The following RAPGEF6 variants were observed in gnomAD, a reference collection of about 807,000 sequenced individuals.
RAPGEF6 encodes the protein PDZ domain containing guanine nucleotide exchange factor (GEF) 2.
RAPGEF6 carries 56 observed loss-of-function variants against 171.4 expected under a neutral mutation model. The observed-to-expected ratio is 0.33, with a 90% CI of 0.26 to 0.41. The LOEUF (loss-of-function observed/expected upper bound fraction) is 0.41, where lower values mean the gene tolerates loss of function less well. Among genes scored for constraint, RAPGEF6 ranks in the 10% least tolerant of loss-of-function variants. The pLI, the probability that RAPGEF6 is intolerant of heterozygous loss-of-function variation, is 1.00. For synonymous variants in RAPGEF6, 692 were observed against 650.1 expected (o/e 1.06, Z -0.98); for missense variants, 1,674 against 1,921.4 (o/e 0.87, Z 2.41).
intron 22 of RAPGEF6, among the ~76,000 whole-genome samples, chr5:131,444,357 G>C (rs1752560409): frequency 6.6e-6 from 1 of 152,104 alleles, no homozygotes; most frequent in Admixed American, 6.6e-5. Flanking sequence ...TCATTGATTG[G>C]TAAATGCTAA....
intron 6 of RAPGEF6, among the ~76,000 whole-genome samples, chr5:131,547,839 C>T (rs1760652451): frequency 1.3e-5 from 2 of 151,934 alleles, no homozygotes; most frequent in Admixed American, 6.6e-5. Flanking sequence ...TAAACAACAA[C>T]AAAAAAGCAA....
At chr5:131,537,269 T>C (rs368312855) in intron 6 of RAPGEF6, among the ~76,000 whole-genome samples, 2 of 152,338 alleles carry the variant, frequency 1.3e-5, no homozygotes. Context: ...CAAATCTGTC[T>C]GAATTAGTGT....
At chr5:131,552,878 C>A (rs191713818) in intron 5 of RAPGEF6, among the ~76,000 whole-genome samples, 1 of 152,072 alleles carries the variant, frequency 6.6e-6, no homozygotes, top group East Asian at 1.9e-4. Flanking sequence ...ATGTAAGAAG[C>A]AAGACATAAT....
At chr5:131,628,826 C>A (rs956201201) in intron 1 of RAPGEF6, among the ~76,000 whole-genome samples, 1 of 152,132 alleles carries the variant, frequency 6.6e-6, no homozygotes, top group African/African-American at 2.4e-5. Flanking sequence ...AACAACAAAG[C>A]CTAAATGACA....
At position 131,428,925 on chromosome 5, in the gene RAPGEF6, G is replaced by A. The variant is rs763117888; in HGVS notation, c.4757C>T (p.Thr1586Ile). 1.2e-6 allele frequency: 2 copies of A among 1,613,974 alleles called. No homozygotes were observed. The highest frequency in any genetic ancestry group is 2.2e-5 in the South Asian group (2 of 91,070). ...ACCATCTGCTTCGCTATCTGCATCA[G>A]TCACATCTCCTAGTTTAGGATGGAA... is the stretch of plus-strand genomic sequence containing the variant. The part of the protein sequence containing the change: ...QPFHPKLGDV[T>I]DADSEADENE... Residue 1586 changes from threonine (T) to isoleucine (I), a missense_variant, in exon 27 of 28, where the codon ACT becomes ATT. Thr to Ile is a moderately conservative substitution (Grantham distance 89, BLOSUM62 -1). This residue lies in a region of RAPGEF6 where 552 missense variants were observed against 574.2 expected (regional missense o/e 0.96). Transcript: ENST00000509018.
At position 131,429,028 on chromosome 5, in the gene RAPGEF6, C is replaced by A. The variant is rs368211238; in HGVS notation, c.4654G>T (p.Ala1552Ser). The A allele has an allele frequency of 1.9e-6, 3 of 1,614,056 alleles. No homozygotes were observed. The African/African-American group carries it at 4.0e-5, about 22-fold the overall frequency. Residue 1552 changes from alanine to serine, a missense_variant, in exon 27 of 28, where the codon GCT becomes TCT. Physicochemically the swap from Ala to Ser is moderately conservative, Grantham distance 99. This residue lies in a region of RAPGEF6 where 552 missense variants were observed against 574.2 expected (regional missense o/e 0.96). Coordinates refer to ENST00000509018, the MANE Select transcript of RAPGEF6 (RefSeq NM_016340.6). ...GCCACGAGGTTGCTACTGAGAGAAG[C>A]TGGTGGCAGTCTAGAGAGGCTGTTA... ...MHNSLSRLPP[A>S]SLSSNLVACV... is the part of the protein sequence containing the mutation.
chr5:131,430,487 G>A (rs943565105), intron 26 of RAPGEF6, among the ~76,000 whole-genome samples: 42 of 152,058 alleles, frequency 2.8e-4, no homozygotes, highest in African/African-American at 8.5e-4. Flanking sequence ...TTTCTACCAC[G>A]TATGCATACC....
intron 1 of RAPGEF6, among the ~76,000 whole-genome samples, chr5:131,623,477 C>CTTTTT (rs763921579): frequency 1.0e-3 from 117 of 114,126 alleles, no homozygotes; most frequent in Non-Finnish European, 1.5e-3. Context: ...TTTCACATTG[C>CTTTTT]TTTTTTTTTT....
rs767565245 is a variant in RAPGEF6 at position 131,554,938 on chromosome 5, A to T, written c.352-6748T>A. On this transcript the variant is annotated intron_variant, in intron 5 of 27. Coordinates refer to ENST00000509018, the MANE Select transcript of RAPGEF6 (RefSeq NM_016340.6). ...GAACTTAAAATAAAGGAGGGAAAAT[A>T]AAAAAAAGAGGGGAAAAAACAAGAA... is the stretch of plus-strand genomic sequence containing the variant. 9.2e-5 allele frequency among the ~76,000 whole-genome samples: 14 copies of T among 152,144 alleles called. 1 individual carries two copies. Among genetic ancestry groups the T allele is most frequent in the Admixed American group, 5.9e-4 (9 of 15,276 alleles).
intron 4 of RAPGEF6, among the ~76,000 whole-genome samples, chr5:131,572,529 G>T (rs998175858): frequency 1.3e-5 from 2 of 152,114 alleles, no homozygotes; most frequent in African/African-American, 4.8e-5. Flanking sequence ...CGCCTGCCTT[G>T]ATCATTCACC....
At position 131,566,138 on chromosome 5, in the gene RAPGEF6, C is replaced by G. The variant is rs187810125; in HGVS notation, c.282-4091G>C. On this transcript the variant is annotated intron_variant, in intron 4 of 27. Coordinates refer to ENST00000509018, the MANE Select transcript of RAPGEF6 (RefSeq NM_016340.6). ...CTCCAGCCTGGGTGACAGAATGAGA[C>G]TCTGTCTCAATAAAGAAAGAAAAAA... is the stretch of plus-strand genomic sequence containing the variant. 2.9e-3 allele frequency among the ~76,000 whole-genome samples: 437 copies of G among 150,100 alleles called. 1 individual carries two copies. The highest frequency in any genetic ancestry group is 9.8e-3 in the African/African-American group (398 of 40,686).
At chr5:131,526,590 T>G (rs937686847) in intron 6 of RAPGEF6, among the ~76,000 whole-genome samples, 1 of 152,196 alleles carries the variant, frequency 6.6e-6, no homozygotes, top group Admixed American at 6.5e-5. Flanking sequence ...GGAAAGGCTT[T>G]TCCTCCAAGA....
intron 6 of RAPGEF6, among the ~76,000 whole-genome samples, chr5:131,537,023 C>T (rs1397656741): frequency 2.0e-5 from 3 of 152,108 alleles, no homozygotes; most frequent in African/African-American, 7.2e-5. Flanking sequence ...ACTTAATAAA[C>T]ACATACCAAA....
intron 13 of RAPGEF6, among the ~76,000 whole-genome samples, chr5:131,495,302 A>C (rs530041502): frequency 1.4e-4 from 14 of 102,396 alleles, no homozygotes; most frequent in African/African-American, 3.2e-4. Flanking sequence ...CAAAAAAAAA[A>C]CAAATAAATA....
intron 6 of RAPGEF6, chr5:131,532,021 G>T: frequency 2.9e-6 from 1 of 342,660 alleles, no homozygotes; most frequent in Non-Finnish European, 5.7e-6. Context: ...AGAAAAGAGC[G>T]CAATAAAGCT....
At chr5:131,549,851 C>T (rs1053856291) in intron 5 of RAPGEF6, among the ~76,000 whole-genome samples, 3 of 152,052 alleles carry the variant, frequency 2.0e-5, no homozygotes. Context: ...AGTTAATTTT[C>T]CTGATCCTCT....
At chr5:131,509,421 T>C (rs1757576297) in intron 8 of RAPGEF6, among the ~76,000 whole-genome samples, 1 of 151,860 alleles carries the variant, frequency 6.6e-6, no homozygotes, top group Non-Finnish European at 1.5e-5. Context: ...CGGGCGCCTG[T>C]AGTCCCAGCT....
chr5:131,575,121 G>C (rs191705316), intron 4 of RAPGEF6, among the ~76,000 whole-genome samples: 2 of 152,030 alleles, frequency 1.3e-5, no homozygotes, highest in Non-Finnish European at 2.9e-5. Flanking sequence ...CGACCTCAAA[G>C]ATGCTTTCTT....
At chr5:131,553,375 A>G (rs1018003386) in intron 5 of RAPGEF6, among the ~76,000 whole-genome samples, 1 of 152,224 alleles carries the variant, frequency 6.6e-6, no homozygotes, top group Non-Finnish European at 1.5e-5. Context: ...AATGCCCAAC[A>G]TTAAATCCAA....
Sources: gnomAD v4.1 joint callset for allele counts (sites outside exome capture counted in the v4.1 genomes callset) on GRCh38, gnomAD v4.1.1 for gene constraint, gnomAD v4.1.1 regional missense constraint, MANE v1.5 for transcripts, NCBI Gene and HGNC (gene_info 2026-07-23, HGNC 2026-07-21) for gene names.